The following CEP85 variants were observed in gnomAD, a reference collection of about 807,000 sequenced individuals.
The protein encoded by CEP85 is centrosomal protein 85, also known as centrosomal protein of 85 kDa.
Under a neutral mutation model 93.7 loss-of-function variants are expected in CEP85, and 58 were observed. That is an observed-to-expected ratio of 0.62 (90% CI 0.50 to 0.77). The LOEUF (loss-of-function observed/expected upper bound fraction) is 0.77, where lower values mean the gene tolerates loss of function less well. CEP85 is among the 30% of genes least tolerant of loss of function. The pLI is 0.00. For missense variants in CEP85, 868 were observed against 922.0 expected (o/e 0.94, Z 0.76); for synonymous variants, 314 against 338.6 (o/e 0.93, Z 0.80).
At chr1:26,268,069 T>C (rs1433320189) in intron 7 of CEP85, among the ~76,000 whole-genome samples, 2 of 152,266 alleles carry the variant, frequency 1.3e-5, no homozygotes, top group African/African-American at 2.4e-5. Context: ...ATTAATTCTT[T>C]AGTTTTATAC....
chr1:26,277,108 T>TGACA (rs1442490610), intron 13 of CEP85, 28 bp from the exon 14 acceptor site: 8 of 1,604,810 alleles, frequency 5.0e-6, no homozygotes, highest in African/African-American at 1.3e-5. Flanking sequence ...TAACTAACAT[T>TGACA]CTCTTGAAAT....
At chr1:26,270,962 A>T in intron 9 of CEP85, 52 bp from the exon 10 acceptor site, 1 of 1,141,276 alleles carries the variant, frequency 8.8e-7, no homozygotes, top group Non-Finnish European at 1.3e-6. Context: ...ACCAAGAATC[A>T]AAGCCACTTG....
chr1:26,245,500 T>C (rs1041696703), intron 3 of CEP85, among the ~76,000 whole-genome samples: 5 of 152,214 alleles, frequency 3.3e-5, no homozygotes, highest in African/African-American at 1.2e-4. Flanking sequence ...ATTAGTCATA[T>C]CATTCTCCTT....
chr1:26,277,061 C>G, intron 13 of CEP85, 75 bp from the exon 14 acceptor site: 1 of 1,429,376 alleles, frequency 7.0e-7, no homozygotes, highest in South Asian at 1.2e-5. Flanking sequence ...CAAGATACTG[C>G]CTATCCATAC....
chr1:26,266,574 T>G (rs970087019), intron 7 of CEP85, among the ~76,000 whole-genome samples: 1 of 152,242 alleles, frequency 6.6e-6, no homozygotes, highest in Non-Finnish European at 1.5e-5. Context: ...TGAAAATCAC[T>G]GGTTCAGAAA....
At position 26,259,818 on chromosome 1, in the gene CEP85, G is replaced by A; in HGVS notation, c.1341+16G>A. On this transcript the variant is annotated intron_variant, in intron 7 of 13. Coordinates refer to ENST00000451429, the MANE Select transcript of CEP85 (RefSeq NM_001319944.2). ...GGAAGAAAGGGTGAGCTGAGTAGCT[G>A]ATAGCCCTAGTTCACAAAGGAGTTG... 6.3e-7 allele frequency: 1 copy of A among 1,596,046 alleles called. No individual in the cohort carries two copies. The highest frequency in any genetic ancestry group is 2.2e-5 in the East Asian group (1 of 44,626).
chr1:26,262,167 G>A (rs1371352150), intron 7 of CEP85, among the ~76,000 whole-genome samples: 1 of 151,964 alleles, frequency 6.6e-6, no homozygotes, highest in Admixed American at 6.6e-5. Flanking sequence ...ATTAGCTGGG[G>A]GTGGTGGCGC....
intron 2 of CEP85, 129 bp downstream of exon 2, chr1:26,239,967 G>T: frequency 1.4e-6 from 1 of 690,278 alleles, no homozygotes. Context: ...AATAACATGG[G>T]GCTTCATTGA....
chr1:26,237,207 G>T (rs1171836646), intron 1 of CEP85, among the ~76,000 whole-genome samples: 12 of 151,742 alleles, frequency 7.9e-5, no homozygotes. Flanking sequence ...TTTTTTTTTG[G>T]CTTATATCAC....
intron 3 of CEP85, among the ~76,000 whole-genome samples, chr1:26,250,278 C>T (rs569879496): frequency 1.2e-4 from 18 of 152,298 alleles, no homozygotes; most frequent in African/African-American, 2.4e-4. Flanking sequence ...CCTGAGCTTG[C>T]GCCTTCTGTC....
chr1:26,276,816 TC>T (rs1425578007), intron 13 of CEP85, 56 bp downstream of exon 13: 14 of 1,327,368 alleles, frequency 1.1e-5, no homozygotes, highest in Non-Finnish European at 1.4e-5. Flanking sequence ...TTCTCTTCTC[TC>T]CCCCATCCTG....
At chr1:26,244,963 C>T (rs2089487035) in intron 3 of CEP85, among the ~76,000 whole-genome samples, 1 of 152,212 alleles carries the variant, frequency 6.6e-6, no homozygotes, top group Admixed American at 6.5e-5. Context: ...TCAGAGTCTT[C>T]CGTTCTGTGA....
chr1:26,235,537 A>G (rs1259583817), intron 1 of CEP85, among the ~76,000 whole-genome samples: 1 of 147,930 alleles, frequency 6.8e-6, no homozygotes, highest in Non-Finnish European at 1.5e-5. Flanking sequence ...ACAGCTGCCA[A>G]GCATGATGTT....
intron 9 of CEP85, among the ~76,000 whole-genome samples, 168 bp downstream of exon 9, chr1:26,269,782 CTTTTTT>C (rs748230113): frequency 1.2e-5 from 1 of 84,710 alleles, no homozygotes; most frequent in Admixed American, 1.5e-4. Context: ...TGGGAAGCGG[CTTTTTT>C]TTTTTTTTTT....
chr1:26,242,970 C>A (rs2089451273), intron 2 of CEP85, among the ~76,000 whole-genome samples: 1 of 152,096 alleles, frequency 6.6e-6, no homozygotes, highest in African/African-American at 2.4e-5. Context: ...TAAATCTCAT[C>A]AGTCTTTTTG....
chr1:26,253,522 T>C (rs2089650981), intron 3 of CEP85, among the ~76,000 whole-genome samples: 1 of 151,702 alleles, frequency 6.6e-6, no homozygotes, highest in Non-Finnish European at 1.5e-5. Context: ...CCCGAATAGC[T>C]GGGACTACAG....
In CEP85 at chr1:26,268,581, G is replaced by A; in HGVS notation, c.1440G>A (p.Glu480=). The change falls in exon 8 of 14, where the codon GAG becomes GAA. Residue 480 remains glutamate (E), a synonymous_variant. Transcript: ENST00000451429. ...AGCAGCAGCGTATTGAGACCTTGGA[G>A]CGCTACCTGGCTGACCTGCCCACAC... The part of the protein sequence containing the change: ...REKQQRIETL[E]RYLADLPTLE... 6.2e-7 allele frequency: 1 copy of A among 1,614,022 alleles called. No homozygotes were observed. Among genetic ancestry groups the A allele is most frequent in the South Asian group, 1.1e-5 (1 of 91,050 alleles).
chr1:26,269,534 C>T lies in CEP85; in HGVS notation c.1569C>T (p.Thr523=). The T allele has an allele frequency of 6.2e-7, 1 of 1,613,886 alleles. No homozygotes were observed. Among genetic ancestry groups the T allele is most frequent in the East Asian group, 2.2e-5 (1 of 44,880 alleles). ...VTELESLLEE[T]QAICREKEIQ... is the part of the protein sequence containing the mutation. Reference sequence around the variant, plus strand: ...AGCTGGAGAGTTTGCTGGAGGAGACCCAGGCAATCTGCAGAGAGAAGGAGA... The same window carrying T: ...AGCTGGAGAGTTTGCTGGAGGAGACTCAGGCAATCTGCAGAGAGAAGGAGA... Residue 523 remains threonine, a synonymous_variant, in exon 9 of 14, where the codon ACC becomes ACT. Transcript: ENST00000451429.
chr1:26,250,932 C>CTTT (rs869156420), intron 3 of CEP85, among the ~76,000 whole-genome samples: 1 of 17,506 alleles, frequency 5.7e-5, no homozygotes, highest in Non-Finnish European at 1.4e-4. Context: ...TTTCTTTTTT[C>CTTT]TTTTTTTTTT....
Sources: allele counts gnomAD v4.1 joint callset (sites outside exome capture counted in the v4.1 genomes callset), GRCh38; gene constraint gnomAD v4.1.1; transcripts MANE v1.5; gene names NCBI Gene and HGNC (gene_info 2026-07-23, HGNC 2026-07-21).